Variants in SYT16 observed in about 807,000 individuals in gnomAD.
SYT16 encodes the protein synaptotagmin-16.
In SYT16, 42 loss-of-function variants were observed where a neutral mutation model predicts 61.4. That is an observed-to-expected ratio of 0.68 (90% confidence interval 0.53 to 0.89). The LOEUF (loss-of-function observed/expected upper bound fraction) is 0.89, where lower values mean the gene tolerates loss of function less well. Among genes scored for constraint, SYT16 ranks in the 40% least tolerant of loss-of-function variants. SYT16 has a pLI of 0.00. For synonymous variants in SYT16, 314 were observed against 302.3 expected (o/e 1.04, Z -0.40); for missense variants, 804 against 807.3 (o/e 1.00, Z 0.05).
At chr14:61,968,000 C>G (rs1481706463) in intron 1 of SYT16, among the ~76,000 whole-genome samples, 1 of 151,994 alleles carries the variant, frequency 6.6e-6, no homozygotes, top group African/African-American at 2.4e-5. Flanking sequence ...GTGGCTCATG[C>G]CTGTAATCCC....
chr14:61,890,943 GAAAT>G lies in SYT16; in HGVS notation c.-325+78139_-325+78142del, dbSNP rs551199416. Among the ~76,000 whole-genome samples the G allele has an allele frequency of 4.6e-5, 7 of 152,234 alleles. No homozygotes were observed. The South Asian group carries it at 1.4e-3, about 32-fold the overall frequency. On this transcript the variant is annotated intron_variant, in intron 1 of 7. Transcript: ENST00000683842. ...TTGAATAAATATGAAATATTCTGGG[GAAAT>G]AAATATAAGTCCCTGGAGTGCAGAG...
At chr14:61,918,567 A>T (rs1473304865) in intron 1 of SYT16, among the ~76,000 whole-genome samples, 1 of 152,206 alleles carries the variant, frequency 6.6e-6, no homozygotes, top group African/African-American at 2.4e-5. Flanking sequence ...AAATGTTTAT[A>T]TTCATGGAAA....
intron 1 of SYT16, among the ~76,000 whole-genome samples, chr14:61,865,929 G>C (rs1416445165): frequency 6.6e-6 from 1 of 152,114 alleles, no homozygotes; most frequent in East Asian, 1.9e-4. Context: ...TTACGAAATT[G>C]ATCACAGATT....
At chr14:61,819,062 T>C (rs1333187946) in intron 1 of SYT16, among the ~76,000 whole-genome samples, 1 of 152,240 alleles carries the variant, frequency 6.6e-6, no homozygotes, top group East Asian at 1.9e-4. Context: ...ATGGCATCTT[T>C]GAATTGGTAA....
chr14:62,048,393 G>C (rs1017257161), intron 3 of SYT16, among the ~76,000 whole-genome samples: 1 of 152,056 alleles, frequency 6.6e-6, no homozygotes, highest in Non-Finnish European at 1.5e-5. Flanking sequence ...CTTGCTAGCT[G>C]TCTATCAATT....
At chr14:62,042,355 G>GAT (rs1267220941) in intron 3 of SYT16, among the ~76,000 whole-genome samples, 2 of 152,086 alleles carry the variant, frequency 1.3e-5, no homozygotes, top group East Asian at 1.9e-4. Context: ...TTGCGTGCAA[G>GAT]ATATATATAA....
Position 61,886,970 on chromosome 14 carries a change from C to T in SYT16, c.-325+74160C>T, listed in dbSNP as rs539211387. 2.5e-4 allele frequency among the ~76,000 whole-genome samples: 36 copies of T among 144,380 alleles called. 1 individual carries two copies. Among genetic ancestry groups the T allele is most frequent in the African/African-American group, 8.4e-4 (33 of 39,058 alleles). 94.7% of individuals were successfully genotyped at this position (144,380 alleles called of 152,430 possible). A position where few individuals can be genotyped will look rare whatever the true frequency, so the allele number is the denominator to read the frequency against. ...CCCAGGCAGGTCTCGAACTCCTGGG[C>T]TCAAGCTATCCTCCCGCCTCTTGCC... On this transcript the variant is annotated intron_variant, in intron 1 of 7. Transcript: ENST00000683842.
At chr14:62,025,806 T>C (rs753116197) in intron 3 of SYT16, among the ~76,000 whole-genome samples, 18 of 152,078 alleles carry the variant, frequency 1.2e-4, no homozygotes, top group Non-Finnish European at 1.5e-4. Flanking sequence ...TTATTGTTGG[T>C]ATATAGGAAG....
intron 3 of SYT16, among the ~76,000 whole-genome samples, chr14:62,055,722 G>A: frequency 6.6e-6 from 1 of 152,170 alleles, no homozygotes. Context: ...GGCTGATATA[G>A]GTGTATTAGT....
intron 6 of SYT16, among the ~76,000 whole-genome samples, chr14:62,082,785 A>G (rs185068545): frequency 6.6e-6 from 1 of 152,216 alleles, no homozygotes; most frequent in African/African-American, 2.4e-5. Context: ...GCTAGGCCCT[A>G]TGCTGTGTGC....
At chr14:61,834,428 C>CATTTTTTTTT (rs1555345830) in intron 1 of SYT16, among the ~76,000 whole-genome samples, 2 of 76,852 alleles carry the variant, frequency 2.6e-5, no homozygotes, top group Non-Finnish European at 4.6e-5. Context: ...CCGTGCCTGG[C>CATTTTTTTTT]TTTTTTTTTT....
At chr14:61,880,999 A>G (rs2140318776) in intron 1 of SYT16, among the ~76,000 whole-genome samples, 1 of 152,328 alleles carries the variant, frequency 6.6e-6, no homozygotes, top group Non-Finnish European at 1.5e-5. Flanking sequence ...TCACAAAATG[A>G]ACAAATTTAT....
chr14:62,064,807 G>A (rs901524964), intron 3 of SYT16, among the ~76,000 whole-genome samples: 4 of 152,154 alleles, frequency 2.6e-5, no homozygotes, highest in African/African-American at 9.7e-5. Context: ...AGGTTATTGT[G>A]AGGGGTAAAT....
chr14:61,944,373 GA>G (rs1294152930), intron 1 of SYT16, among the ~76,000 whole-genome samples: 7 of 152,104 alleles, frequency 4.6e-5, no homozygotes, highest in East Asian at 3.9e-4. Context: ...CACGGAATTA[GA>G]AAAAACTACC....
At chr14:61,929,264 A>G (rs748644611) in intron 1 of SYT16, among the ~76,000 whole-genome samples, 8 of 152,246 alleles carry the variant, frequency 5.3e-5, no homozygotes, top group Admixed American at 1.3e-4. Flanking sequence ...TTGGCCGACT[A>G]GAAAAACCCT....
intron 1 of SYT16, among the ~76,000 whole-genome samples, chr14:61,822,595 A>G (rs1294660426): frequency 6.6e-6 from 1 of 152,208 alleles, no homozygotes; most frequent in Non-Finnish European, 1.5e-5. Flanking sequence ...GAGCTGTTGC[A>G]CTGTAGAAAC....
At chr14:62,078,502 T>G (rs2056594843) in intron 5 of SYT16, among the ~76,000 whole-genome samples, 2 of 152,170 alleles carry the variant, frequency 1.3e-5, no homozygotes, top group Admixed American at 1.3e-4. Flanking sequence ...GTTTCTTAGT[T>G]GGGTTCCTCA....
rs114630783 is a variant in SYT16, at chr14:61,954,416, G to T, written c.-324-15716G>T. Among the ~76,000 whole-genome samples the T allele has an allele frequency of 4.7e-3, 706 of 149,032 alleles. 3 individuals carry two copies. The highest frequency in any genetic ancestry group is 0.016 in the African/African-American group (669 of 40,548). ...CTCTATTTATGTCGTTATATGTTCT[G>T]CCTTCTCCTTGAGCCATTGCTTGAA... On this transcript the variant is annotated intron_variant, in intron 1 of 7. Coordinates refer to ENST00000683842, the MANE Select transcript of SYT16 (RefSeq NM_001367656.1).
chr14:61,914,623 G>A (rs1303169106), intron 1 of SYT16, among the ~76,000 whole-genome samples: 1 of 151,816 alleles, frequency 6.6e-6, no homozygotes, highest in African/African-American at 2.4e-5. Flanking sequence ...AAACCTTGGG[G>A]TTATCTTTGA....
Sources: gnomAD v4.1 joint callset for allele counts (sites outside exome capture counted in the v4.1 genomes callset) on GRCh38, gnomAD v4.1.1 for gene constraint, MANE v1.5 for transcripts, NCBI Gene and HGNC (gene_info 2026-07-23, HGNC 2026-07-21) for gene names.